Variants in GRIP2 observed in about 807,000 individuals in gnomAD.
The protein encoded by GRIP2 is glutamate receptor-interacting protein 2.
GRIP2 carries 58 observed loss-of-function variants against 108.3 expected under a neutral mutation model. That is an observed-to-expected ratio of 0.54 (90% CI 0.43 to 0.67). GRIP2 has a LOEUF of 0.67. Ranked by LOEUF, GRIP2 falls within the 30% of genes least tolerant of loss-of-function variation. The pLI is 0.00. For missense variants in GRIP2, 1,278 were observed against 1,430.6 expected (o/e 0.89, Z 1.72); for synonymous variants, 586 against 598.2 (o/e 0.98, Z 0.30).
upstream of GRIP2, among the ~76,000 whole-genome samples, chr3:14,558,361 C>T (rs560908802): frequency 2.3e-4 from 35 of 152,284 alleles, no homozygotes; most frequent in Admixed American, 9.2e-4. Context: ...CCAGGGAGGG[C>T]AGGCTGCGTT....
At position 14,507,764 on chromosome 3, in the gene GRIP2, GC is replaced by G; in HGVS notation, c.2079-65del. 6.4e-7 allele frequency: 1 copy of G among 1,564,290 alleles called. No individual in the cohort carries two copies. The highest frequency in any genetic ancestry group is 8.8e-7 in the Non-Finnish European group (1 of 1,140,098). ...ACTCAGGGCCTCAGAGTGGCAGTCTGCCCTCAGGGAATCCAGGAGAGCCACA... is the reference window on the plus strand; with the variant it reads ...ACTCAGGGCCTCAGAGTGGCAGTCTGCCTCAGGGAATCCAGGAGAGCCACA... On this transcript the variant is annotated intron_variant, in intron 17 of 23. Transcript: ENST00000621039. The surrounding 1 kb of genome is among the most constrained non-coding windows in gnomAD (Gnocchi z 4.6).
chr3:14,510,005 G>T (rs1205077817), intron 16 of GRIP2, 41 bp from the exon 17 acceptor site: 15 of 1,378,112 alleles, frequency 1.1e-5, no homozygotes, highest in Non-Finnish European at 1.4e-5. Context: ...CCCCCGAGGG[G>T]GTACCCAGCT....
chr3:14,548,021 C>G (rs971532537), intron 1 of GRIP2, among the ~76,000 whole-genome samples: 1 of 152,120 alleles, frequency 6.6e-6, no homozygotes, highest in Non-Finnish European at 1.5e-5. Flanking sequence ...ACAAAGGTGG[C>G]CACAGAGTCA....
rs1433600566 is a variant in GRIP2, at chr3:14,491,410, G to A, written c.*2255C>T. ...ACAGCTTTGGGGGAGAGGGCAGGTGGAAGGGGACATGTCACAGGGGCTGTT... is the reference window on the plus strand; with the variant it reads ...ACAGCTTTGGGGGAGAGGGCAGGTGAAAGGGGACATGTCACAGGGGCTGTT... On this transcript the variant is annotated 3_prime_UTR_variant, in exon 24 of 24. Transcript: ENST00000621039. 2 of 152,246 alleles carry A rather than the reference G, an allele frequency of 1.3e-5. No individual in the cohort carries two copies. Among genetic ancestry groups the A allele is most frequent in the Non-Finnish European group, 2.9e-5 (2 of 68,062 alleles). The allele number at this position is 152,246 out of a possible 1,614,324, so 9.4% of individuals were successfully genotyped here. A position where few individuals can be genotyped will look rare whatever the true frequency, so the allele number is the denominator to read the frequency against.
At position 14,511,341 on chromosome 3, in the gene GRIP2, G is replaced by C; in HGVS notation, c.1788-31C>G. On this transcript the variant is annotated intron_variant, in intron 15 of 23. Coordinates refer to ENST00000621039, the MANE Select transcript of GRIP2 (RefSeq NM_001080423.4). The surrounding 1 kb of genome is among the most constrained non-coding windows in gnomAD (Gnocchi z 4.1). ...TGAGTCGGGGGCAGAGGGGATGGAA[G>C]GAGCCTGGTGCATGCAGGTGCCATA... 6.2e-7 allele frequency: 1 copy of C among 1,613,966 alleles called. No individual in the cohort carries two copies. Among genetic ancestry groups the C allele is most frequent in the South Asian group, 1.1e-5 (1 of 91,074 alleles).
intron 1 of GRIP2, among the ~76,000 whole-genome samples, chr3:14,549,850 C>T (rs1695116067): frequency 6.6e-6 from 1 of 152,216 alleles, no homozygotes; most frequent in Non-Finnish European, 1.5e-5. Context: ...AATTCACACA[C>T]ATTCTCAAAA....
rs559672512 is a variant in GRIP2 at position 14,489,279 on chromosome 3, C to G, written c.*4386G>C. 1 of 152,414 alleles carries G rather than the reference C, an allele frequency of 6.6e-6. No homozygotes were observed. The highest frequency in any genetic ancestry group is 1.5e-5 in the Non-Finnish European group (1 of 67,988). 9.4% of individuals were successfully genotyped at this position (152,414 alleles called of 1,614,324 possible). Reference sequence around the variant, plus strand: ...ATGTATATCAATATTTTAAATTCATCTTTGCTTTTTTTAGAGGAGTTTGTA... The same window carrying G: ...ATGTATATCAATATTTTAAATTCATGTTTGCTTTTTTTAGAGGAGTTTGTA... On this transcript the variant is annotated 3_prime_UTR_variant, in exon 24 of 24. Coordinates refer to ENST00000621039, the MANE Select transcript of GRIP2 (RefSeq NM_001080423.4).
intron 9 of GRIP2, among the ~76,000 whole-genome samples, chr3:14,518,647 G>A (rs532154867): frequency 2.6e-5 from 4 of 152,260 alleles, no homozygotes; most frequent in East Asian, 1.9e-4. Context: ...CTCCTCTTGC[G>A]CGGATGGACA....
the GRIP2 span, among the ~76,000 whole-genome samples, chr3:14,564,133 T>C: frequency 3.3e-5 from 5 of 152,122 alleles, no homozygotes; most frequent in Non-Finnish European, 5.9e-5. Context: ...CCAAGCGTTT[T>C]CAGTATGGGC....
upstream of GRIP2, among the ~76,000 whole-genome samples, chr3:14,544,349 A>AC (rs1392403880): frequency 6.6e-6 from 1 of 152,020 alleles, no homozygotes; most frequent in Non-Finnish European, 1.5e-5. Context: ...GGTTCCTAGC[A>AC]CCCCTAGCCC....
chr3:14,567,461 G>T, the GRIP2 span, among the ~76,000 whole-genome samples: 11 of 152,202 alleles, frequency 7.2e-5, no homozygotes, highest in South Asian at 2.3e-3. Flanking sequence ...AGGAGACATG[G>T]CATCCCAGGA....
the GRIP2 span, among the ~76,000 whole-genome samples, chr3:14,598,960 T>A: frequency 6.7e-4 from 102 of 152,298 alleles, no homozygotes; most frequent in African/African-American, 2.3e-3. Flanking sequence ...CTGATCATCC[T>A]AGGCCATCCT....
intron 1 of GRIP2, among the ~76,000 whole-genome samples, chr3:14,528,522 C>T (rs1182924142): frequency 6.6e-6 from 1 of 152,176 alleles, no homozygotes; most frequent in Admixed American, 6.5e-5. Flanking sequence ...AATCGCTGTG[C>T]ATCCTCATCA....
chr3:14,527,059 T>C (rs893501374), intron 1 of GRIP2, among the ~76,000 whole-genome samples: 3 of 152,180 alleles, frequency 2.0e-5, no homozygotes, highest in South Asian at 2.1e-4. Context: ...TGGTGGTGCA[T>C]GCCTATAGTC....
Position 14,521,481 on chromosome 3 carries a change from A to T in GRIP2, c.712+161T>A. On this transcript the variant is annotated intron_variant, in intron 7 of 23. Transcript: ENST00000621039. This position sits in a 1 kb window ranked among gnomAD's most constrained non-coding sequence, Gnocchi z 5.1. Reference sequence around the variant, plus strand: ...AGGCTGGATCCCCAGCACATCAAACAATGCCTAGCACATACTATTTACTGC... The same window carrying T: ...AGGCTGGATCCCCAGCACATCAAACTATGCCTAGCACATACTATTTACTGC... 1.4e-6 allele frequency: 1 copy of T among 730,380 alleles called. No individual in the cohort carries two copies. The highest frequency in any genetic ancestry group is 2.2e-6 in the Non-Finnish European group (1 of 462,046). The allele number at this position is 730,380 out of a possible 1,614,324, so 45.2% of individuals were successfully genotyped here.
In GRIP2 at chr3:14,511,168, A is replaced by T; in HGVS notation, c.1930T>A (p.Ser644Thr). 2.5e-6 allele frequency: 4 copies of T among 1,613,848 alleles called. No individual in the cohort carries two copies. The highest frequency in any genetic ancestry group is 3.4e-6 in the Non-Finnish European group (4 of 1,179,832). Reference sequence around the variant, plus strand: ...GAGGCCAGCATGAGGGCCATACCAGAGTTGTCCTCGTCCTTCCGGATCTTC... The same window carrying T: ...GAGGCCAGCATGAGGGCCATACCAGTGTTGTCCTCGTCCTTCCGGATCTTC... Reference protein sequence around the residue: ...KLKIRKDEDNSDELETTGAVS... With the variant: ...KLKIRKDEDNTDELETTGAVS... Residue 644 changes from serine to threonine, a missense_variant, in exon 16 of 24, where the codon TCT (serine) becomes ACT (threonine). By Grantham distance (58) the Ser-to-Thr change is moderately conservative. Transcript: ENST00000621039. This position sits in a 1 kb window ranked among gnomAD's most constrained non-coding sequence, Gnocchi z 4.1.
In GRIP2 at chr3:14,505,637, C is replaced by T. The variant is rs374133419; in HGVS notation, c.2551G>A (p.Asp851Asn). ...GACCTCGTTGGCGGCTCCCAATCAT[C>T]CTCCTCCTCCTCCTCTGGAAAGCTC... ...DESFPEEEEE[D>N]DWEPPTSPAP... The change falls in exon 20 of 24, where the codon GAT (aspartate) becomes AAT (asparagine). Residue 851 changes from aspartate (D) to asparagine (N), a missense_variant. Transcript: ENST00000621039. This position sits in a 1 kb window ranked among gnomAD's most constrained non-coding sequence, Gnocchi z 4.2. 156 of 1,570,600 alleles carry T rather than the reference C, an allele frequency of 9.9e-5. 1 individual carries two copies. The African/African-American group carries it at 2.0e-3, about 20-fold the overall frequency.
the GRIP2 span, chr3:14,574,089 C>T: frequency 1.0e-3 from 1,323 of 1,310,256 alleles, 24 homozygotes; most frequent in South Asian, 0.015. Flanking sequence ...CCAGTGGTTC[C>T]ACAGAATCGA....
chr3:14,599,628 A>G, the GRIP2 span, among the ~76,000 whole-genome samples: 2 of 151,814 alleles, frequency 1.3e-5, no homozygotes, highest in African/African-American at 4.9e-5. Flanking sequence ...AATAAAAGAA[A>G]GAAAATGTCA....
Sources: allele counts gnomAD v4.1 joint callset (sites outside exome capture counted in the v4.1 genomes callset), GRCh38; gene constraint gnomAD v4.1.1; non-coding constraint Gnocchi (gnomAD v3.1); transcripts MANE v1.5; gene names NCBI Gene and HGNC (gene_info 2026-07-23, HGNC 2026-07-21).